The following TM9SF4 variants were observed in gnomAD, a reference collection of about 807,000 sequenced individuals.
TM9SF4 encodes the protein transmembrane 9 superfamily member 4.
In TM9SF4, 26 loss-of-function variants were observed where a neutral mutation model predicts 90.4. That is an observed-to-expected ratio of 0.29 (90% CI 0.21 to 0.40). The LOEUF (loss-of-function observed/expected upper bound fraction) is 0.40. Ranked by LOEUF, TM9SF4 falls within the 10% of genes least tolerant of loss-of-function variation. The pLI is 1.00. For synonymous variants in TM9SF4, 293 were observed against 315.4 expected, an observed-to-expected ratio of 0.93 and a Z score of 0.75; for missense variants, 549 against 834.8, an observed-to-expected ratio of 0.66 and a Z score of 4.22.
At chr20:32,118,892 G>A (rs2046266215) in intron 1 of TM9SF4, among the ~76,000 whole-genome samples, 1 of 152,076 alleles carries the variant, frequency 6.6e-6, no homozygotes, top group Non-Finnish European at 1.5e-5. Flanking sequence ...GCCTTACAAA[G>A]TGCTGGGATT....
At chr20:32,150,577 G>C in intron 10 of TM9SF4, 45 bp from the exon 11 acceptor site, 1 of 1,610,164 alleles carries the variant, frequency 6.2e-7, no homozygotes, top group Non-Finnish European at 8.5e-7. Context: ...CTGGTGATCA[G>C]CCACCCTGCC....
chr20:32,136,031 G>A lies in TM9SF4; in HGVS notation c.130-43G>A, dbSNP rs567624826. On this transcript the variant is annotated intron_variant, in intron 2 of 17. Coordinates refer to ENST00000398022, the MANE Select transcript of TM9SF4 (RefSeq NM_014742.4). ...TGTACTAAAGATGTGTGGGTACCAGGGAGGATTATTGGTCATCTTGGTTTC... is the reference window on the plus strand; with the variant it reads ...TGTACTAAAGATGTGTGGGTACCAGAGAGGATTATTGGTCATCTTGGTTTC... 2.6e-6 allele frequency: 4 copies of A among 1,561,696 alleles called. No individual in the cohort carries two copies. In the African/African-American group the frequency reaches 4.1e-5, roughly 16 times the overall value.
intron 6 of TM9SF4, 59 bp downstream of exon 6, chr20:32,143,164 AGG>A: frequency 1.3e-6 from 2 of 1,591,156 alleles, no homozygotes; most frequent in Non-Finnish European, 1.7e-6. Context: ...TTCTCCACGC[AGG>A]GTCTTCGCAC....
At chr20:32,162,661 T>C (rs6061198) in intron 17 of TM9SF4, among the ~76,000 whole-genome samples, 64,274 of 151,976 alleles carry the variant, frequency 0.42, 13,953 homozygotes, top group East Asian at 0.74. Context: ...CCTCCTAACA[T>C]TCCCATTCTT....
intron 5 of TM9SF4, 131 bp downstream of exon 5, chr20:32,142,026 A>G: frequency 1.4e-6 from 2 of 1,452,328 alleles, no homozygotes; most frequent in Non-Finnish European, 1.9e-6. Flanking sequence ...ATGGTCTGTC[A>G]GAGGTCCGAG....
At chr20:32,143,526 C>T (rs1163452670) in intron 6 of TM9SF4, among the ~76,000 whole-genome samples, 1 of 152,166 alleles carries the variant, frequency 6.6e-6, no homozygotes, top group Non-Finnish European at 1.5e-5. Context: ...CTTCGTTCCT[C>T]TCCCGCTGTG....
chr20:32,119,417 C>T (rs1005289584), intron 1 of TM9SF4, among the ~76,000 whole-genome samples: 1 of 152,072 alleles, frequency 6.6e-6, no homozygotes, highest in Admixed American at 6.5e-5. Flanking sequence ...TTTTGGTTTG[C>T]GTTTTCCTAT....
Position 32,165,550 on chromosome 20 carries a change from T to C in TM9SF4, c.*106T>C. 7.4e-7 allele frequency: 1 copy of C among 1,354,214 alleles called. No homozygotes were observed. The highest frequency in any genetic ancestry group is 2.0e-5 in the Admixed American group (1 of 50,914). The allele number at this position is 1,354,214 out of a possible 1,614,324, so 83.9% of individuals were successfully genotyped here. A position where few individuals can be genotyped will look rare whatever the true frequency, so the allele number is the denominator to read the frequency against. On this transcript the variant is annotated 3_prime_UTR_variant, in exon 18 of 18. Coordinates refer to ENST00000398022, the MANE Select transcript of TM9SF4 (RefSeq NM_014742.4). ...AAATAACTCCTGCTCGTTTGGAATGTAACTCCTGGCACAGTGTTCCTGGAT... is the reference window on the plus strand; with the variant it reads ...AAATAACTCCTGCTCGTTTGGAATGCAACTCCTGGCACAGTGTTCCTGGAT...
At chr20:32,111,485 G>A (rs1262317302) in intron 1 of TM9SF4, among the ~76,000 whole-genome samples, 1 of 152,174 alleles carries the variant, frequency 6.6e-6, no homozygotes, top group East Asian at 1.9e-4. Flanking sequence ...TTCTGTTCCA[G>A]GAACTAGGGA....
chr20:32,127,510 T>A (rs2046440395), intron 1 of TM9SF4, among the ~76,000 whole-genome samples: 1 of 152,108 alleles, frequency 6.6e-6, no homozygotes, highest in Admixed American at 6.6e-5. Flanking sequence ...CGCAGGGACT[T>A]GGTAAGTGGA....
intron 2 of TM9SF4, among the ~76,000 whole-genome samples, chr20:32,134,282 G>A (rs1158758421): frequency 6.6e-6 from 1 of 152,154 alleles, no homozygotes; most frequent in Admixed American, 6.5e-5. Context: ...GAGGGAGTGG[G>A]AGGCAACGTA....
chr20:32,119,656 T>G (rs533852302), intron 1 of TM9SF4, among the ~76,000 whole-genome samples: 1 of 152,246 alleles, frequency 6.6e-6, no homozygotes, highest in Admixed American at 6.5e-5. Context: ...TTTGGAAGTG[T>G]AAAAGTTTTT....
At chr20:32,119,325 G>T (rs1212456774) in intron 1 of TM9SF4, among the ~76,000 whole-genome samples, 4 of 152,130 alleles carry the variant, frequency 2.6e-5, no homozygotes, top group Admixed American at 1.3e-4. Flanking sequence ...GCTGGGCACC[G>T]TGGCTCATGC....
intron 3 of TM9SF4, among the ~76,000 whole-genome samples, chr20:32,138,105 T>C (rs764197073): frequency 3.9e-5 from 6 of 152,218 alleles, no homozygotes; most frequent in Non-Finnish European, 7.4e-5. Flanking sequence ...TTGAGATTTT[T>C]AACTCAGGTT....
intron 1 of TM9SF4, among the ~76,000 whole-genome samples, chr20:32,124,062 C>G (rs1328602442): frequency 6.6e-6 from 1 of 151,616 alleles, no homozygotes; most frequent in Non-Finnish European, 1.5e-5. Context: ...CAAGGTCTCA[C>G]TATTTTGTCC....
At chr20:32,119,287 A>G (rs1242789379) in intron 1 of TM9SF4, among the ~76,000 whole-genome samples, 1 of 151,890 alleles carries the variant, frequency 6.6e-6, no homozygotes, top group African/African-American at 2.4e-5. Context: ...GATGAAACCC[A>G]GTCTCTATTA....
intron 9 of TM9SF4, 23 bp from the exon 10 acceptor site, chr20:32,149,611 C>T (rs761865362): frequency 6.2e-7 from 1 of 1,614,144 alleles, no homozygotes; most frequent in Non-Finnish European, 8.5e-7. Context: ...AACAACCAGC[C>T]TCACTCTGGC....
At chr20:32,117,080 C>T (rs964713752) in intron 1 of TM9SF4, among the ~76,000 whole-genome samples, 3 of 151,068 alleles carry the variant, frequency 2.0e-5, no homozygotes, top group Non-Finnish European at 4.4e-5. Context: ...AAAAAATTGC[C>T]GGGTCTGGTG....
intron 2 of TM9SF4, among the ~76,000 whole-genome samples, chr20:32,134,766 AG>A (rs1366425143): frequency 6.6e-6 from 1 of 151,356 alleles, no homozygotes; most frequent in African/African-American, 2.4e-5. Context: ...TCTGCCTCCC[AG>A]GTTCAAGCAA....
Sources: allele counts gnomAD v4.1 joint callset (sites outside exome capture counted in the v4.1 genomes callset), GRCh38; gene constraint gnomAD v4.1.1; transcripts MANE v1.5; gene names NCBI Gene and HGNC (gene_info 2026-07-23, HGNC 2026-07-21).